CPS1: variants seen among roughly 807,000 people sequenced by gnomAD.
The protein encoded by CPS1 is carbamoyl-phosphate synthase 1.
In CPS1, 109 loss-of-function variants were observed where a neutral mutation model predicts 174.6. The ratio of observed to expected loss-of-function variants is 0.62; its 90% CI spans 0.53 to 0.73. The LOEUF (loss-of-function observed/expected upper bound fraction) is 0.73. Among genes scored for constraint, CPS1 ranks in the 30% least tolerant of loss-of-function variants. The probability of loss-of-function intolerance (pLI) is 0.00; values close to 1 mark genes in which losing one functional copy is unlikely to be tolerated. For synonymous variants in CPS1, 637 were observed against 632.0 expected (o/e 1.01, Z -0.12); for missense variants, 1,689 against 1,821.9 (o/e 0.93, Z 1.33).
At chr2:210,569,238 G>A (rs1697401550) in intron 1 of CPS1, among the ~76,000 whole-genome samples, 1 of 151,996 alleles carries the variant, frequency 6.6e-6, no homozygotes, top group Non-Finnish European at 1.5e-5. Context: ...AAGGTAATGA[G>A]TATTATGAAG....
At chr2:210,542,166 C>T (rs1696449913) in intron 1 of CPS1, among the ~76,000 whole-genome samples, 1 of 152,126 alleles carries the variant, frequency 6.6e-6, no homozygotes, top group African/African-American at 2.4e-5. Context: ...TTCTAACTGG[C>T]CTGGCAAAAC....
At chr2:210,594,383 G>A (rs1227572801) in intron 11 of CPS1, 125 bp from the exon 12 acceptor site, 1 of 697,084 alleles carries the variant, frequency 1.4e-6, no homozygotes, top group Non-Finnish European at 2.5e-6. Context: ...AAAAAAAGCT[G>A]AAATGCTATA....
At chr2:210,646,230 A>T (rs1472187627) in intron 25 of CPS1, among the ~76,000 whole-genome samples, 2 of 152,176 alleles carry the variant, frequency 1.3e-5, no homozygotes, top group Non-Finnish European at 2.9e-5. Context: ...AGTCTCTAAA[A>T]CATTAACAAC....
chr2:210,678,301 G>A lies in CPS1; in HGVS notation c.*316G>A. ...GTGCTGATTAATGGTGATCAAGGTA[G>A]GAAAAGTTGCTGTTCTATTTTCTGA... On this transcript the variant is annotated 3_prime_UTR_variant, in exon 38 of 38. Coordinates refer to ENST00000233072, the MANE Select transcript of CPS1 (RefSeq NM_001875.5). 2.6e-6 allele frequency: 1 copy of A among 391,874 alleles called. No homozygotes were observed. The highest frequency in any genetic ancestry group is 8.2e-4 in the Middle Eastern group (1 of 1,214). The allele number at this position is 391,874 out of a possible 1,614,324, so 24.3% of individuals were successfully genotyped here.
chr2:210,602,125 G>A, intron 15 of CPS1, 77 bp from the exon 16 acceptor site: 1 of 1,576,988 alleles, frequency 6.3e-7, no homozygotes. Flanking sequence ...TTACCTGATT[G>A]CCAGACTCTC....
chr2:210,560,384 A>C (rs1334789401), intron 1 of CPS1, among the ~76,000 whole-genome samples: 4 of 152,164 alleles, frequency 2.6e-5, no homozygotes. Flanking sequence ...AAGTCATCAA[A>C]GCTAAATAGT....
chr2:210,660,383 C>A, intron 31 of CPS1, 102 bp from the exon 32 acceptor site: 2 of 1,148,344 alleles, frequency 1.7e-6, no homozygotes, highest in South Asian at 1.3e-5. Flanking sequence ...AAGAGCTGGT[C>A]CCCAGTTAAT....
chr2:210,589,655 A>G (rs971881113), intron 7 of CPS1, among the ~76,000 whole-genome samples: 3 of 151,538 alleles, frequency 2.0e-5, no homozygotes, highest in African/African-American at 7.3e-5. Context: ...AATGGTGTTT[A>G]TTTTTATTTT....
intron 1 of CPS1, among the ~76,000 whole-genome samples, chr2:210,547,617 G>A (rs927322347): frequency 1.3e-5 from 2 of 151,954 alleles, no homozygotes; most frequent in African/African-American, 4.8e-5. Flanking sequence ...AATAGAAACT[G>A]CATTCCTAAA....
intron 1 of CPS1, among the ~76,000 whole-genome samples, chr2:210,570,389 A>G (rs1351355264): frequency 6.6e-6 from 1 of 151,986 alleles, no homozygotes; most frequent in Non-Finnish European, 1.5e-5. Flanking sequence ...GAAAAATACC[A>G]AACAGAATTG....
chr2:210,522,349 G>A (rs1200295217), intron 1 of CPS1, among the ~76,000 whole-genome samples: 1 of 151,474 alleles, frequency 6.6e-6, no homozygotes, highest in Non-Finnish European at 1.5e-5. Flanking sequence ...TGTATTTTAA[G>A]GATCAAGCTT....
intron 21 of CPS1, among the ~76,000 whole-genome samples, chr2:210,634,421 C>G (rs970243647): frequency 2.0e-5 from 3 of 151,846 alleles, no homozygotes; most frequent in Admixed American, 6.6e-5. Context: ...CAGAGCGAGA[C>G]TCCGTCTCAA....
At chr2:210,629,838 C>T (rs1251361987) in intron 21 of CPS1, among the ~76,000 whole-genome samples, 3 of 148,290 alleles carry the variant, frequency 2.0e-5, no homozygotes, top group East Asian at 2.1e-4. Flanking sequence ...ATCATGAGGT[C>T]AGGAGATCGA....
In CPS1 at chr2:210,601,033, C is replaced by T. The variant is rs1253875323; in HGVS notation, c.1707+321C>T. 5.3e-5 allele frequency among the ~76,000 whole-genome samples: 8 copies of T among 151,818 alleles called. No homozygotes were observed. The East Asian group carries it at 1.6e-3, about 30-fold the overall frequency. ...ACTTGCAATAACAAAGCAATTTTTACCTTGTTTCTGGGATCAATCACATAT... is the reference window on the plus strand; with the variant it reads ...ACTTGCAATAACAAAGCAATTTTTATCTTGTTTCTGGGATCAATCACATAT... On this transcript the variant is annotated intron_variant, in intron 15 of 37. Coordinates refer to ENST00000233072, the MANE Select transcript of CPS1 (RefSeq NM_001875.5).
intron 2 of CPS1, among the ~76,000 whole-genome samples, chr2:210,574,964 C>T (rs562426301): frequency 4.6e-5 from 7 of 152,022 alleles, no homozygotes; most frequent in African/African-American, 9.6e-5. Context: ...TCATTCATTA[C>T]GTGCCTCACT....
intron 17 of CPS1, among the ~76,000 whole-genome samples, chr2:210,605,847 G>T (rs746135114): frequency 2.0e-5 from 3 of 151,872 alleles, no homozygotes; most frequent in Non-Finnish European, 4.4e-5. Flanking sequence ...AGTATTCAAG[G>T]ACATAGGTAT....
chr2:210,561,074 T>G (rs1697082405), intron 1 of CPS1, among the ~76,000 whole-genome samples: 1 of 152,200 alleles, frequency 6.6e-6, no homozygotes, highest in Admixed American at 6.5e-5. Context: ...TTTTAATTTT[T>G]TCCATTTTTT....
intron 1 of CPS1, among the ~76,000 whole-genome samples, chr2:210,506,364 C>A (rs1333039057): frequency 6.6e-6 from 1 of 152,048 alleles, no homozygotes; most frequent in Non-Finnish European, 1.5e-5. Flanking sequence ...AAAAGACATC[C>A]ACACCAAAAC....
At chr2:210,552,748 GT>G (rs986911232), upstream of CPS1, among the ~76,000 whole-genome samples, 4 of 151,558 alleles carry the variant, frequency 2.6e-5, no homozygotes, top group African/African-American at 9.7e-5. Flanking sequence ...GGCTGTCAGT[GT>G]TTCTTTATGT....
Sources: gnomAD v4.1 joint callset for allele counts (sites outside exome capture counted in the v4.1 genomes callset) on GRCh38, gnomAD v4.1.1 for gene constraint, MANE v1.5 for transcripts, NCBI Gene and HGNC (gene_info 2026-07-23, HGNC 2026-07-21) for gene names.